HCK: variants seen among roughly 807,000 people sequenced by gnomAD.
HCK encodes the protein tyrosine-protein kinase HCK.
In HCK, 40 loss-of-function variants were observed where a neutral mutation model predicts 70.4. That is an observed-to-expected ratio of 0.57 (90% CI 0.44 to 0.74). HCK has a LOEUF of 0.74. Among genes scored for constraint, HCK ranks in the 30% least tolerant of loss-of-function variants. The pLI is 0.00. For missense variants in HCK, 568 were observed against 697.2 expected (o/e 0.81, Z 2.09); for synonymous variants, 245 against 263.2 (o/e 0.93, Z 0.67).
At chr20:32,098,980 A>C in intron 11 of HCK, 24 bp from the exon 12 acceptor site, 1 of 1,612,748 alleles carries the variant, frequency 6.2e-7, no homozygotes, top group Non-Finnish European at 8.5e-7. Flanking sequence ...GCCTTCCCCG[A>C]CTCTGCTCTG....
At chr20:32,053,381 T>TA (rs1052672743) in intron 1 of HCK, among the ~76,000 whole-genome samples, 2 of 152,016 alleles carry the variant, frequency 1.3e-5, no homozygotes, top group Admixed American at 1.3e-4. Context: ...CACACGCCTG[T>TA]AATCTCAGCT....
At chr20:32,058,942 A>C (rs1600704236) in intron 1 of HCK, among the ~76,000 whole-genome samples, 2 of 152,186 alleles carry the variant, frequency 1.3e-5, no homozygotes, top group East Asian at 3.9e-4. Flanking sequence ...TCTTTTGTTG[A>C]AAACTACTCC....
At chr20:32,066,303 C>CA (rs2045456510) in intron 1 of HCK, among the ~76,000 whole-genome samples, 10 of 46,206 alleles carry the variant, frequency 2.2e-4, no homozygotes, top group Non-Finnish European at 3.6e-4. Flanking sequence ...CCTCCAGTGA[C>CA]TTTTTTTTTT....
chr20:32,088,337 C>T (rs541069607), intron 9 of HCK, among the ~76,000 whole-genome samples: 1 of 152,180 alleles, frequency 6.6e-6, no homozygotes, highest in Non-Finnish European at 1.5e-5. Context: ...GCCATCCAGG[C>T]TCAGGGGCTG....
rs763775232 is a variant in HCK, at chr20:32,093,859, G to A, written c.1093-4G>A. On this transcript the variant is annotated splice_region_variant and splice_polypyrimidine_tract_variant and intron_variant, in intron 10 of 12. Transcript: ENST00000375852. ...GGACAAAGGTGTCTCTGTTTGGGGTGCAGATTGCAGAAGGCATGGCCTTCA... is the reference window on the plus strand; with the variant it reads ...GGACAAAGGTGTCTCTGTTTGGGGTACAGATTGCAGAAGGCATGGCCTTCA... 5.0e-5 allele frequency: 81 copies of A among 1,609,330 alleles called. No individual in the cohort carries two copies. The highest frequency in any genetic ancestry group is 6.8e-5 in the Non-Finnish European group (80 of 1,177,722).
chr20:32,101,333 A>C lies in HCK; in HGVS notation c.1395A>C (p.Glu465Asp). 6.2e-7 allele frequency: 1 copy of C among 1,614,124 alleles called. No homozygotes were observed. The highest frequency in any genetic ancestry group is 8.5e-7 in the Non-Finnish European group (1 of 1,179,998). Residue 465 changes from glutamate to aspartate, a missense_variant, in exon 13 of 13, where the codon GAA (glutamate) becomes GAC (aspartate). By Grantham distance (45) the Glu-to-Asp change is conservative. Coordinates refer to ENST00000375852, the MANE Select transcript of HCK (RefSeq NM_002110.5). The stretch of plus-strand genomic sequence containing the variant: ...CCTTTTCAGGGATGTCAAACCCTGA[A>C]GTGATCCGAGCTCTGGAGCGTGGAT...
rs989437357 is a variant in HCK, at chr20:32,084,160, T to A, written c.682+117T>A. ...CCTTCTTGGCCATCCCCTAGACAGA[T>A]AGTTGCTTTGGATGCTTCTGAAGGC... On this transcript the variant is annotated intron_variant, in intron 7 of 12. Transcript: ENST00000375852. 9.1e-6 allele frequency: 11 copies of A among 1,206,764 alleles called. No individual in the cohort carries two copies. In the African/African-American group the frequency reaches 1.5e-4, roughly 17 times the overall value. The allele number at this position is 1,206,764 out of a possible 1,614,324, so 74.8% of individuals were successfully genotyped here.
At chr20:32,067,397 C>T (rs1260846107) in intron 1 of HCK, among the ~76,000 whole-genome samples, 1 of 152,164 alleles carries the variant, frequency 6.6e-6, no homozygotes, top group Non-Finnish European at 1.5e-5. Flanking sequence ...TCCCCTTCCC[C>T]CAGCCCCTGG....
At chr20:32,098,590 G>A (rs961564705) in intron 11 of HCK, among the ~76,000 whole-genome samples, 13 of 152,168 alleles carry the variant, frequency 8.5e-5, no homozygotes, top group African/African-American at 1.9e-4. Context: ...AACCTCATGG[G>A]CTGAGAGCCA....
chr20:32,054,755 G>C, intron 1 of HCK, among the ~76,000 whole-genome samples: 1 of 152,182 alleles, frequency 6.6e-6, no homozygotes, highest in African/African-American at 2.4e-5. Context: ...GCAGTGAGCC[G>C]AGATCGTGCC....
chr20:32,095,160 A>G (rs2045938162), intron 11 of HCK, among the ~76,000 whole-genome samples: 1 of 152,266 alleles, frequency 6.6e-6, no homozygotes, highest in South Asian at 2.1e-4. Flanking sequence ...ACGCCAGGCT[A>G]GAACACAGAT....
intron 1 of HCK, among the ~76,000 whole-genome samples, chr20:32,063,901 T>G (rs2045416133): frequency 6.6e-6 from 1 of 151,180 alleles, no homozygotes. Flanking sequence ...ATTTCTTGGG[T>G]TTGCCTTGCT....
chr20:32,078,022 G>GTTTT (rs201619397), intron 5 of HCK, among the ~76,000 whole-genome samples: 2 of 149,180 alleles, frequency 1.3e-5, no homozygotes, highest in Non-Finnish European at 3.0e-5. Context: ...GAGACAGTTG[G>GTTTT]TTTTTTTTGT....
chr20:32,086,523 C>A, intron 8 of HCK, 105 bp from the exon 9 acceptor site: 1 of 899,734 alleles, frequency 1.1e-6, no homozygotes, highest in Non-Finnish European at 1.7e-6. Context: ...TTGAGATGAG[C>A]AGGAAAGACT....
intron 8 of HCK, among the ~76,000 whole-genome samples, chr20:32,085,091 G>A (rs947721113): frequency 1.3e-5 from 2 of 152,358 alleles, no homozygotes; most frequent in African/African-American, 4.8e-5. Flanking sequence ...GGGGCAGCCT[G>A]CTGTGTTAAT....
At chr20:32,057,155 G>A (rs1267333225) in intron 1 of HCK, among the ~76,000 whole-genome samples, 1 of 152,196 alleles carries the variant, frequency 6.6e-6, no homozygotes, top group Non-Finnish European at 1.5e-5. Context: ...GGAGCTGGGG[G>A]CTGCCCTGGG....
At position 32,088,557 on chromosome 20, in the gene HCK, C is replaced by G. The variant is rs768182335; in HGVS notation, c.1016-11C>G. ...AAAGTAGTAAATGTTCCTCCCCTCT[C>G]CCCCATATAGGAAGCTTGCTGGACT... On this transcript the variant is annotated splice_polypyrimidine_tract_variant and intron_variant, in intron 9 of 12. Coordinates refer to ENST00000375852, the MANE Select transcript of HCK (RefSeq NM_002110.5). The G allele has an allele frequency of 2.7e-5, 44 of 1,607,332 alleles. No homozygotes were observed. The highest frequency in any genetic ancestry group is 1.4e-5 in the Non-Finnish European group (17 of 1,176,836).
Position 32,086,609 on chromosome 20 carries a change from G to C in HCK, c.836-19G>C, listed in dbSNP as rs1267349751. 5 of 1,592,292 alleles carry C rather than the reference G, an allele frequency of 3.1e-6. No individual in the cohort carries two copies. Among genetic ancestry groups the C allele is most frequent in the East Asian group, 2.3e-5 (1 of 43,466 alleles). Reference sequence around the variant, plus strand: ...CCAGTGGGCTCTGACCACCTTCCCTGCTCTCTATCCCCCTCCAGCCACCTA... The same window carrying C: ...CCAGTGGGCTCTGACCACCTTCCCTCCTCTCTATCCCCCTCCAGCCACCTA... On this transcript the variant is annotated intron_variant, in intron 8 of 12. Transcript: ENST00000375852.
intron 10 of HCK, 51 bp from the exon 11 acceptor site, chr20:32,093,812 T>C (rs777545892): frequency 1.6e-5 from 25 of 1,553,390 alleles, no homozygotes; most frequent in Non-Finnish European, 1.9e-5. Flanking sequence ...GGTGGGGCCA[T>C]CTTGGCGTAG....
Sources: gnomAD v4.1 joint callset for allele counts (sites outside exome capture counted in the v4.1 genomes callset) on GRCh38, gnomAD v4.1.1 for gene constraint, MANE v1.5 for transcripts, NCBI Gene and HGNC (gene_info 2026-07-23, HGNC 2026-07-21) for gene names.